Variants in RAB31 observed in about 807,000 individuals in gnomAD.
RAB31 encodes ras-related protein Rab-31.
Under a neutral mutation model 25.6 loss-of-function variants are expected in RAB31, and 21 were observed. The observed-to-expected ratio is 0.82, with a 90% CI of 0.58 to 1.18. The LOEUF (loss-of-function observed/expected upper bound fraction) is 1.18. Among genes scored for constraint, RAB31 ranks in the 50% most tolerant of loss-of-function variants. RAB31 has a pLI of 0.00. For synonymous variants in RAB31, 87 were observed against 84.0 expected (o/e 1.04, Z -0.20); for missense variants, 196 against 250.1 (o/e 0.78, Z 1.46).
intron 1 of RAB31, among the ~76,000 whole-genome samples, chr18:9,730,102 G>A (rs1421940527): frequency 6.6e-6 from 1 of 152,132 alleles, no homozygotes; most frequent in Non-Finnish European, 1.5e-5. Context: ...ACGAAATCCA[G>A]CTCCTCTCTA....
intron 1 of RAB31, chr18:9,723,454 T>A (rs1408241774): frequency 6.6e-6 from 1 of 152,204 alleles, no homozygotes; most frequent in Non-Finnish European, 1.5e-5. Context: ...CAAATAAAAA[T>A]TTTTAAAAAT....
intron 1 of RAB31, among the ~76,000 whole-genome samples, chr18:9,773,488 G>A (rs2068355991): frequency 6.6e-6 from 1 of 152,086 alleles, no homozygotes; most frequent in African/African-American, 2.4e-5. Context: ...ACGGCGATCG[G>A]TGTTGATAAA....
At chr18:9,751,105 G>C (rs1378231985) in intron 1 of RAB31, among the ~76,000 whole-genome samples, 1 of 152,124 alleles carries the variant, frequency 6.6e-6, no homozygotes, top group East Asian at 1.9e-4. Context: ...TGTGATCATA[G>C]CTCACTGCAA....
At chr18:9,732,417 T>C (rs555257916) in intron 1 of RAB31, among the ~76,000 whole-genome samples, 27 of 152,358 alleles carry the variant, frequency 1.8e-4, no homozygotes, top group Admixed American at 7.8e-4. Context: ...AATCCTCCCC[T>C]GGAATACATT....
intron 5 of RAB31, among the ~76,000 whole-genome samples, chr18:9,827,042 C>T (rs2068653466): frequency 6.6e-6 from 1 of 152,066 alleles, no homozygotes; most frequent in Non-Finnish European, 1.5e-5. Flanking sequence ...TCTAGTTCTA[C>T]ATTTCTTCTG....
intron 1 of RAB31, among the ~76,000 whole-genome samples, chr18:9,713,864 C>A (rs1428241534): frequency 6.6e-6 from 1 of 152,220 alleles, no homozygotes; most frequent in Non-Finnish European, 1.5e-5. Context: ...TGTAACTTCA[C>A]ATGACTGAGA....
chr18:9,734,914 G>C (rs2068143010), intron 1 of RAB31: 1 of 317,512 alleles, frequency 3.1e-6, no homozygotes, highest in Non-Finnish European at 6.5e-6. Context: ...GACTGCTTTG[G>C]GAGCTTTCCC....
intron 1 of RAB31, among the ~76,000 whole-genome samples, chr18:9,712,776 T>G (rs2068024366): frequency 6.6e-6 from 1 of 152,156 alleles, no homozygotes; most frequent in Admixed American, 6.5e-5. Flanking sequence ...CCTGATGGAA[T>G]CCCAAAGAGA....
intron 1 of RAB31, among the ~76,000 whole-genome samples, chr18:9,759,986 G>A (rs1434619218): frequency 1.3e-5 from 2 of 152,048 alleles, no homozygotes; most frequent in East Asian, 3.9e-4. Context: ...GTGTGAGGGT[G>A]GGTAAATGGT....
intron 1 of RAB31, among the ~76,000 whole-genome samples, chr18:9,748,997 A>G (rs2068220467): frequency 6.6e-6 from 1 of 152,230 alleles, no homozygotes; most frequent in African/African-American, 2.4e-5. Context: ...TACTTAGTAC[A>G]GTTGCTGTTA....
intron 1 of RAB31, among the ~76,000 whole-genome samples, chr18:9,715,528 C>CTCT (rs1555682918): frequency 2.3e-5 from 3 of 128,192 alleles, no homozygotes; most frequent in Admixed American, 8.0e-5. Flanking sequence ...CTCTCTCTCT[C>CTCT]TTTTTTTTTT....
intron 1 of RAB31, among the ~76,000 whole-genome samples, chr18:9,732,950 A>T (rs939351913): frequency 6.6e-6 from 1 of 152,118 alleles, no homozygotes; most frequent in Non-Finnish European, 1.5e-5. Flanking sequence ...TGCTTAAAGG[A>T]ATGAAACTTG....
At chr18:9,776,012 A>G (rs1427077768) in intron 2 of RAB31, among the ~76,000 whole-genome samples, 1 of 152,002 alleles carries the variant, frequency 6.6e-6, no homozygotes, top group African/African-American at 2.4e-5. Context: ...CTGGTCTTGA[A>G]CTTCTGACTG....
intron 2 of RAB31, chr18:9,787,056 A>G (rs2068437207): frequency 4.9e-6 from 1 of 203,076 alleles, no homozygotes; most frequent in Admixed American, 4.6e-5. Context: ...GCTTTCAGTC[A>G]TATCTGCCTG....
At chr18:9,756,139 G>A (rs991874770) in intron 1 of RAB31, among the ~76,000 whole-genome samples, 1 of 152,226 alleles carries the variant, frequency 6.6e-6, no homozygotes, top group East Asian at 1.9e-4. Flanking sequence ...TGGGGATGCA[G>A]TAGATAGGGA....
At chr18:9,741,945 G>A (rs758434138) in intron 1 of RAB31, among the ~76,000 whole-genome samples, 10 of 152,214 alleles carry the variant, frequency 6.6e-5, no homozygotes, top group Non-Finnish European at 1.0e-4. Flanking sequence ...GTGAGTCAGT[G>A]GCTTCCCAAA....
In RAB31 at chr18:9,757,600, G is replaced by A. The variant is rs146708766; in HGVS notation, c.40-17678G>A. ...TGGTGTTCCTAGCTTTAGCCACGTT[G>A]AACCTAGGATGATCCAGGACACCGC... On this transcript the variant is annotated intron_variant, in intron 1 of 6. Coordinates refer to ENST00000578921, the MANE Select transcript of RAB31 (RefSeq NM_006868.4). Among the ~76,000 whole-genome samples, 8 of 152,308 alleles carry A rather than the reference G, an allele frequency of 5.3e-5. No homozygotes were observed. The East Asian group carries it at 1.5e-3, about 29-fold the overall frequency.
At chr18:9,800,953 A>G (rs1392485559) in intron 3 of RAB31, among the ~76,000 whole-genome samples, 2 of 152,192 alleles carry the variant, frequency 1.3e-5, no homozygotes, top group African/African-American at 4.8e-5. Flanking sequence ...ACGCTTATGA[A>G]TTAGCAGTCA....
chr18:9,773,064 A>G (rs1416080567), intron 1 of RAB31, among the ~76,000 whole-genome samples: 1 of 152,156 alleles, frequency 6.6e-6, no homozygotes, highest in Admixed American at 6.5e-5. Context: ...CACGATGCAG[A>G]TAAACAGCAG....
Sources: allele counts gnomAD v4.1 joint callset (sites outside exome capture counted in the v4.1 genomes callset), GRCh38; gene constraint gnomAD v4.1.1; transcripts MANE v1.5; gene names NCBI Gene and HGNC (gene_info 2026-07-23, HGNC 2026-07-21).